The following TPCN1 variants were observed in gnomAD, a reference collection of about 807,000 sequenced individuals.
TPCN1 encodes two pore segment channel 1.
A neutral mutation model predicts 108.8 loss-of-function variants in TPCN1; 52 were observed. The observed-to-expected ratio is 0.48, with a 90% CI of 0.38 to 0.60. The LOEUF is 0.60. TPCN1 is among the 20% of genes least tolerant of loss of function. The pLI, the probability that TPCN1 is intolerant of heterozygous loss-of-function variation, is 0.00. For synonymous variants in TPCN1, 446 were observed against 433.7 expected, an observed-to-expected ratio of 1.03 and a Z score of -0.35; for missense variants, 806 against 1,072.8, an observed-to-expected ratio of 0.75 and a Z score of 3.47.
chr12:113,265,336 G>A (rs1332708291), intron 3 of TPCN1, among the ~76,000 whole-genome samples: 3 of 152,018 alleles, frequency 2.0e-5, no homozygotes, highest in Non-Finnish European at 2.9e-5. Flanking sequence ...TTCCTTTATC[G>A]TTGAAGAAGC....
rs1955574254 is a variant in TPCN1, at chr12:113,273,520, G to A, written c.843-49G>A. On this transcript the variant is annotated intron_variant, in intron 9 of 27. Coordinates refer to ENST00000335509, the MANE Select transcript of TPCN1 (RefSeq NM_017901.6). The surrounding 1 kb of genome is among the most constrained non-coding windows in gnomAD (Gnocchi z 4.0). Reference sequence around the variant, plus strand: ...CTCTGCAAGGCATGTGCTCTGAGAGGATGGAGACAGGCAGATACAGCACGC... The same window carrying A: ...CTCTGCAAGGCATGTGCTCTGAGAGAATGGAGACAGGCAGATACAGCACGC... 2.7e-6 allele frequency: 4 copies of A among 1,462,014 alleles called. No homozygotes were observed. Among genetic ancestry groups the A allele is most frequent in the Admixed American group, 3.3e-5 (2 of 59,784 alleles). 90.6% of individuals were successfully genotyped at this position (1,462,014 alleles called of 1,614,324 possible).
At position 113,273,163 on chromosome 12, in the gene TPCN1, C is replaced by G. The variant is rs1955561375; in HGVS notation, c.784-69C>G. On this transcript the variant is annotated intron_variant, in intron 8 of 27. Coordinates refer to ENST00000335509, the MANE Select transcript of TPCN1 (RefSeq NM_017901.6). The surrounding 1 kb of genome is among the most constrained non-coding windows in gnomAD (Gnocchi z 4.0). ...AGGCAGGGCATGCCAGGTGGCCCAT[C>G]ACAGCCTGTTCCTGATGGCCGTGTG... is the stretch of plus-strand genomic sequence containing the variant. The G allele has an allele frequency of 6.8e-7, 1 of 1,464,682 alleles. No homozygotes were observed. The highest frequency in any genetic ancestry group is 9.6e-7 in the Non-Finnish European group (1 of 1,044,364). The allele number at this position is 1,464,682 out of a possible 1,614,324, so 90.7% of individuals were successfully genotyped here.
At chr12:113,239,412 T>G (rs967930091) in intron 2 of TPCN1, among the ~76,000 whole-genome samples, 10 of 152,208 alleles carry the variant, frequency 6.6e-5, no homozygotes, top group Non-Finnish European at 1.0e-4. Context: ...TTGTTTTAGG[T>G]GCTGATGTTT....
chr12:113,279,376 TA>T (rs1955798238), intron 14 of TPCN1, among the ~76,000 whole-genome samples: 8 of 32,490 alleles, frequency 2.5e-4, no homozygotes, highest in South Asian at 1.1e-3. Context: ...TATATATATA[TA>T]TATATATATA....
At chr12:113,222,815 G>A (rs912906301) in intron 1 of TPCN1, among the ~76,000 whole-genome samples, 4 of 152,220 alleles carry the variant, frequency 2.6e-5, no homozygotes, top group African/African-American at 9.6e-5. Flanking sequence ...TTGGACAGCC[G>A]TGAGTTAAAA....
At chr12:113,286,944 G>A in intron 18 of TPCN1, 43 bp from the exon 19 acceptor site, 1 of 1,495,488 alleles carries the variant, frequency 6.7e-7, no homozygotes, top group Non-Finnish European at 9.3e-7. Flanking sequence ...GCGCAGGTAG[G>A]CTCAGGGCCA....
At chr12:113,291,075 A>T in intron 23 of TPCN1, 77 bp downstream of exon 23, 1 of 1,364,386 alleles carries the variant, frequency 7.3e-7, no homozygotes, top group Non-Finnish European at 1.0e-6. Flanking sequence ...AACCCAGAGT[A>T]TATAATTCTT....
At position 113,272,152 on chromosome 12, in the gene TPCN1, C is replaced by T. The variant is rs1348173859; in HGVS notation, c.749-506C>T. Among the ~76,000 whole-genome samples, 1 of 152,200 alleles carries T rather than the reference C, an allele frequency of 6.6e-6. No homozygotes were observed. Among genetic ancestry groups the T allele is most frequent in the Non-Finnish European group, 1.5e-5 (1 of 68,038 alleles). On this transcript the variant is annotated intron_variant, in intron 7 of 27. Transcript: ENST00000335509. This position sits in a 1 kb window ranked among gnomAD's most constrained non-coding sequence, Gnocchi z 4.1. ...TTTCCCCTGAGGGCAGAGTTCCTCC[C>T]TTTTCCCACTCAGGATTTCAGGGAC... is the stretch of plus-strand genomic sequence containing the variant.
chr12:113,293,375 GA>G (rs752427764), intron 27 of TPCN1, 26 bp downstream of exon 27: 1 of 1,607,784 alleles, frequency 6.2e-7, no homozygotes, highest in East Asian at 2.2e-5. Context: ...ACCACGCTGC[GA>G]ATCCTCCCCC....
rs111501174 is a variant in TPCN1 at position 113,258,979 on chromosome 12, ATTT to A, written c.113-1374_113-1372del. Among the ~76,000 whole-genome samples the A allele has an allele frequency of 1.3e-4, 18 of 141,110 alleles. No individual in the cohort carries two copies. In the East Asian group the frequency reaches 1.4e-3, roughly 11 times the overall value. 92.6% of individuals were successfully genotyped at this position (141,110 alleles called of 152,430 possible). On this transcript the variant is annotated intron_variant, in intron 2 of 27. Transcript: ENST00000335509. Reference sequence around the variant, plus strand: ...GCAAATCCCAGTATCAAAACATTAGATTTTTTTTTTTTTTTTTGAGACGGAGTC... The same window carrying A: ...GCAAATCCCAGTATCAAAACATTAGATTTTTTTTTTTTTTGAGACGGAGTC...
At chr12:113,262,640 C>T (rs1489299347) in intron 3 of TPCN1, among the ~76,000 whole-genome samples, 4 of 152,120 alleles carry the variant, frequency 2.6e-5, no homozygotes, top group South Asian at 2.1e-4. Context: ...CGGATAAGAG[C>T]GTGGGATAGG....
At position 113,288,315 on chromosome 12, in the gene TPCN1, C is replaced by A. The variant is rs545310608; in HGVS notation, c.1706+81C>A. ...GTGGGGGCGGGAGCCGAGTGGCAGTCGGGGGAAAGGAGTTCCACAAAGGAC... is the reference window on the plus strand; with the variant it reads ...GTGGGGGCGGGAGCCGAGTGGCAGTAGGGGGAAAGGAGTTCCACAAAGGAC... On this transcript the variant is annotated intron_variant, in intron 20 of 27. Transcript: ENST00000335509. This position sits in a 1 kb window ranked among gnomAD's most constrained non-coding sequence, Gnocchi z 4.8. 7 of 1,593,310 alleles carry A rather than the reference C, an allele frequency of 4.4e-6. No individual in the cohort carries two copies. In the South Asian group the frequency reaches 6.7e-5, roughly 15 times the overall value.
Position 113,269,778 on chromosome 12 carries a change from G to C in TPCN1, c.681G>C (p.Gln227His). ...CCAGCAACCTGCGGCAGATCTTCCA[G>C]TCCCTGCCGCCCTTCATGGACATCC... ...GVRRNLRQIF[Q>H]SLPPFMDILL... The change falls in exon 7 of 28, where the codon CAG (glutamine) becomes CAC (histidine). Residue 227 changes from glutamine to histidine, a missense_variant. By Grantham distance (24) the Gln-to-His change is conservative. Coordinates refer to ENST00000335509, the MANE Select transcript of TPCN1 (RefSeq NM_017901.6). This position sits in a 1 kb window ranked among gnomAD's most constrained non-coding sequence, Gnocchi z 5.0. 1 of 1,613,788 alleles carries C rather than the reference G, an allele frequency of 6.2e-7. No individual in the cohort carries two copies. Among genetic ancestry groups the C allele is most frequent in the Non-Finnish European group, 8.5e-7 (1 of 1,180,006 alleles).
At chr12:113,225,450 C>G (rs1352910166) in intron 1 of TPCN1, 1 of 285,874 alleles carries the variant, frequency 3.5e-6, no homozygotes, top group Non-Finnish European at 7.1e-6. Flanking sequence ...ACTCTCCAGA[C>G]AGAATTACCC....
intron 2 of TPCN1, among the ~76,000 whole-genome samples, chr12:113,252,805 C>A (rs1175815777): frequency 6.6e-6 from 1 of 152,146 alleles, no homozygotes; most frequent in Non-Finnish European, 1.5e-5. Flanking sequence ...GGTGGTTTGA[C>A]CTTCTTCTGT....
intron 27 of TPCN1, among the ~76,000 whole-genome samples, chr12:113,293,572 G>A (rs865874900): frequency 2.6e-5 from 4 of 152,196 alleles, no homozygotes; most frequent in African/African-American, 4.8e-5. Context: ...CCTGCCTGCC[G>A]CCATATGTCC....
In TPCN1 at chr12:113,267,826, A is replaced by G. The variant is rs1433748162; in HGVS notation, c.415-17A>G. Reference sequence around the variant, plus strand: ...GCTGGGCTGGCCATGACACATCTCCACACCCTCTGGTCTCAGGTCCACGCC... The same window carrying G: ...GCTGGGCTGGCCATGACACATCTCCGCACCCTCTGGTCTCAGGTCCACGCC... On this transcript the variant is annotated splice_polypyrimidine_tract_variant and intron_variant, in intron 4 of 27. Coordinates refer to ENST00000335509, the MANE Select transcript of TPCN1 (RefSeq NM_017901.6). 2 of 1,593,304 alleles carry G rather than the reference A, an allele frequency of 1.3e-6. No homozygotes were observed. The highest frequency in any genetic ancestry group is 2.2e-5 in the South Asian group (2 of 90,694).
chr12:113,235,326 ATG>A (rs1313400095), intron 2 of TPCN1, among the ~76,000 whole-genome samples: 1 of 152,140 alleles, frequency 6.6e-6, no homozygotes, highest in Non-Finnish European at 1.5e-5. Flanking sequence ...ACATGAGTCT[ATG>A]GAGTGCTCAT....
intron 13 of TPCN1, 66 bp downstream of exon 13, chr12:113,278,303 C>A: frequency 2.1e-6 from 3 of 1,412,904 alleles, no homozygotes; most frequent in Non-Finnish European, 2.0e-6. Context: ...CAGTGAGGAG[C>A]AGGGGCACCC....
Sources: allele counts gnomAD v4.1 joint callset (sites outside exome capture counted in the v4.1 genomes callset), GRCh38; gene constraint gnomAD v4.1.1; non-coding constraint Gnocchi (gnomAD v3.1); transcripts MANE v1.5; gene names NCBI Gene and HGNC (gene_info 2026-07-23, HGNC 2026-07-21).